Variants in ANKRD13A observed in about 807,000 individuals in gnomAD.
The protein encoded by ANKRD13A is ankyrin repeat domain-containing protein 13A.
ANKRD13A carries 48 observed loss-of-function variants against 81.3 expected under a neutral mutation model. The observed-to-expected ratio is 0.59, with a 90% confidence interval of 0.47 to 0.75. The LOEUF (loss-of-function observed/expected upper bound fraction) is 0.75, where lower values mean the gene tolerates loss of function less well. ANKRD13A is among the 30% of genes least tolerant of loss of function. ANKRD13A has a pLI of 0.00. For missense variants in ANKRD13A, 612 were observed against 734.0 expected, an observed-to-expected ratio of 0.83 and a Z score of 1.92; for synonymous variants, 230 against 270.1, an observed-to-expected ratio of 0.85 and a Z score of 1.45.
intron 1 of ANKRD13A, among the ~76,000 whole-genome samples, chr12:110,007,943 A>G (rs1356631885): frequency 6.6e-6 from 1 of 152,214 alleles, no homozygotes; most frequent in Non-Finnish European, 1.5e-5. Context: ...GATTTTATAC[A>G]CAAGATCATG....
chr12:109,999,701 T>C lies in ANKRD13A; in HGVS notation c.13T>C (p.Cys5Arg). Reference protein sequence around the residue: MSSACDAGDHYPLHL... With the variant: MSSARDAGDHYPLHL... ...CGGCCTCCTCGCCATGTCCTCGGCC[T>C]GCGACGCGGGCGACCACTACCCCCT... Residue 5 changes from cysteine to arginine, a missense_variant, in exon 1 of 15, where the codon TGC becomes CGC. Physicochemically the swap from Cys to Arg is radical, Grantham distance 180. Transcript: ENST00000261739. This position sits in a 1 kb window ranked among gnomAD's most constrained non-coding sequence, Gnocchi z 4.3. The C allele has an allele frequency of 6.5e-7, 1 of 1,536,408 alleles. No homozygotes were observed. Among genetic ancestry groups the C allele is most frequent in the Non-Finnish European group, 8.8e-7 (1 of 1,140,184 alleles).
chr12:110,000,063 C>T (rs1006564723), intron 1 of ANKRD13A, among the ~76,000 whole-genome samples: 30 of 152,208 alleles, frequency 2.0e-4, no homozygotes, highest in African/African-American at 7.2e-4. Context: ...TCAGACGCTA[C>T]GTGCCTTGTG....
chr12:110,021,425 C>CTTTTTTTTTTTTT (rs59262099), intron 6 of ANKRD13A: 4 of 129,928 alleles, frequency 3.1e-5, no homozygotes, highest in East Asian at 2.1e-4. Flanking sequence ...TTTTTTCTTT[C>CTTTTTTTTTTTTT]TTTTTTTTTT....
Position 110,036,926 on chromosome 12 carries a change from T to A in ANKRD13A, c.1578-433T>A, listed in dbSNP as rs1892090296. ...AGTCAGTTTTTTCTGATTGGTTTGA[T>A]CTTCTATGAATGATGTATGATCACA... is the stretch of plus-strand genomic sequence containing the variant. On this transcript the variant is annotated intron_variant, in intron 14 of 14. Coordinates refer to ENST00000261739, the MANE Select transcript of ANKRD13A (RefSeq NM_033121.2). This position sits in a 1 kb window ranked among gnomAD's most constrained non-coding sequence, Gnocchi z 4.6. 6.6e-6 allele frequency among the ~76,000 whole-genome samples: 1 copy of A among 152,212 alleles called. No homozygotes were observed. Among genetic ancestry groups the A allele is most frequent in the Non-Finnish European group, 1.5e-5 (1 of 68,032 alleles).
Position 110,018,245 on chromosome 12 carries a change from G to T in ANKRD13A, c.401-100G>T, listed in dbSNP as rs746346994. 84 of 1,288,554 alleles carry T rather than the reference G, an allele frequency of 6.5e-5. No homozygotes were observed. The highest frequency in any genetic ancestry group is 8.8e-5 in the Non-Finnish European group (82 of 933,202). The allele number at this position is 1,288,554 out of a possible 1,614,324, so 79.8% of individuals were successfully genotyped here. ...TCCGTTGTTTGATGGTCACCATCTT[G>T]CCACTCCCCTCCTTTTATTAAATCA... On this transcript the variant is annotated intron_variant, in intron 4 of 14. Coordinates refer to ENST00000261739, the MANE Select transcript of ANKRD13A (RefSeq NM_033121.2). This position sits in a 1 kb window ranked among gnomAD's most constrained non-coding sequence, Gnocchi z 4.4.
rs79820539 is a variant in ANKRD13A at position 110,001,468 on chromosome 12, C to A, written c.96+1684C>A. 6.9e-3 allele frequency among the ~76,000 whole-genome samples: 1,020 copies of A among 147,596 alleles called. 1 individual carries two copies. The highest frequency in any genetic ancestry group is 9.5e-3 in the Non-Finnish European group (636 of 67,298). ...TTTTTTTTTCTTTTTGAGATGGAGTCTCGCTCTGTCATTCAGACTTGAGTG... is the reference window on the plus strand; with the variant it reads ...TTTTTTTTTCTTTTTGAGATGGAGTATCGCTCTGTCATTCAGACTTGAGTG... On this transcript the variant is annotated intron_variant, in intron 1 of 14. Transcript: ENST00000261739.
Position 109,999,564 on chromosome 12 carries a change from C to A in ANKRD13A, c.-125C>A. 1.5e-6 allele frequency: 1 copy of A among 679,218 alleles called. No individual in the cohort carries two copies. The highest frequency in any genetic ancestry group is 2.1e-6 in the Non-Finnish European group (1 of 478,074). The allele number at this position is 679,218 out of a possible 1,614,324, so 42.1% of individuals were successfully genotyped here. On this transcript the variant is annotated 5_prime_UTR_variant, in exon 1 of 15. Coordinates refer to ENST00000261739, the MANE Select transcript of ANKRD13A (RefSeq NM_033121.2). The surrounding 1 kb of genome is among the most constrained non-coding windows in gnomAD (Gnocchi z 4.3). ...CCCGCACCCGACCGGCTCAGCCGGCCGGCAGCGTAACACGCCCTACGCTCG... is the reference window on the plus strand; with the variant it reads ...CCCGCACCCGACCGGCTCAGCCGGCAGGCAGCGTAACACGCCCTACGCTCG...
At chr12:110,029,446 G>T in intron 10 of ANKRD13A, 32 bp from the exon 11 acceptor site, 1 of 1,598,184 alleles carries the variant, frequency 6.3e-7, no homozygotes, top group South Asian at 1.1e-5. Flanking sequence ...TGGTGGAGAT[G>T]ACCTCAGTCT....
Position 110,018,917 on chromosome 12 carries a change from C to T in ANKRD13A, c.545-222C>T, listed in dbSNP as rs144203090. Among the ~76,000 whole-genome samples the T allele has an allele frequency of 2.1e-3, 321 of 152,190 alleles. No homozygotes were observed. Among genetic ancestry groups the T allele is most frequent in the Non-Finnish European group, 2.2e-3 (147 of 68,022 alleles). ...GAATGCAGATTATTAAGAAAAATTCCGCACCTTTGGGGAAGATGGCTCAGA... is the reference window on the plus strand; with the variant it reads ...GAATGCAGATTATTAAGAAAAATTCTGCACCTTTGGGGAAGATGGCTCAGA... On this transcript the variant is annotated intron_variant, in intron 5 of 14. Coordinates refer to ENST00000261739, the MANE Select transcript of ANKRD13A (RefSeq NM_033121.2). The surrounding 1 kb of genome is among the most constrained non-coding windows in gnomAD (Gnocchi z 4.4).
At position 110,006,746 on chromosome 12, in the gene ANKRD13A, G is replaced by A. The variant is rs1253796410; in HGVS notation, c.97-5259G>A. On this transcript the variant is annotated intron_variant, in intron 1 of 14. Transcript: ENST00000261739. ...CGAGTAGCTGGGATTACAGGCATGC[G>A]CCACCATGCCTGGCTAATTTTGTAT... Among the ~76,000 whole-genome samples the A allele has an allele frequency of 1.9e-4, 29 of 152,110 alleles. 1 individual carries two copies. The highest frequency in any genetic ancestry group is 1.6e-3 in the Admixed American group (25 of 15,272).
intron 1 of ANKRD13A, among the ~76,000 whole-genome samples, chr12:110,009,134 TGC>T (rs1378534843): frequency 2.6e-5 from 4 of 152,144 alleles, no homozygotes. Flanking sequence ...CAGGCTGGAG[TGC>T]AATGGCACAA....
At chr12:109,999,306 G>T (rs889175737), upstream of ANKRD13A, 1 of 153,474 alleles carries the variant, frequency 6.5e-6, no homozygotes, top group African/African-American at 2.4e-5. This position sits in a 1 kb window ranked among gnomAD's most constrained non-coding sequence, Gnocchi z 4.3. Flanking sequence ...TGAGTTTCTC[G>T]GTGTGAGCTG....
chr12:110,010,821 T>C (rs991045575), intron 1 of ANKRD13A, among the ~76,000 whole-genome samples: 4 of 152,252 alleles, frequency 2.6e-5, no homozygotes, highest in African/African-American at 9.6e-5. Context: ...ATGCTCCTGC[T>C]TCACTTTCCT....
chr12:110,001,237 C>T (rs758536908), intron 1 of ANKRD13A, among the ~76,000 whole-genome samples: 1 of 151,374 alleles, frequency 6.6e-6, no homozygotes, highest in African/African-American at 2.4e-5. Flanking sequence ...TTTTGAATGG[C>T]TCAAAATTGG....
In ANKRD13A at chr12:109,999,499, G is replaced by A. The variant is rs898607453; in HGVS notation, c.-190G>A. 2.0e-5 allele frequency: 6 copies of A among 303,010 alleles called. No homozygotes were observed. The highest frequency in any genetic ancestry group is 3.2e-4 in the South Asian group (2 of 6,320). 18.8% of individuals were successfully genotyped at this position (303,010 alleles called of 1,614,324 possible). A position where few individuals can be genotyped will look rare whatever the true frequency, so the allele number is the denominator to read the frequency against. ...GGCGCGGGGTGGGCGCGGCCGACCT[G>A]GTCCCTGAGCCGGCCGGCGACCCCG... On this transcript the variant is annotated 5_prime_UTR_variant, in exon 1 of 15. Transcript: ENST00000261739. This position sits in a 1 kb window ranked among gnomAD's most constrained non-coding sequence, Gnocchi z 4.3.
At chr12:110,005,149 TTTTG>T (rs1358616914) in intron 1 of ANKRD13A, among the ~76,000 whole-genome samples, 6 of 152,146 alleles carry the variant, frequency 3.9e-5, no homozygotes, top group African/African-American at 1.4e-4. Flanking sequence ...TTTCTTTCTT[TTTTG>T]TTTTTTTGTT....
At position 110,034,091 on chromosome 12, in the gene ANKRD13A, T is replaced by C. The variant is rs1193770695; in HGVS notation, c.1509+134T>C. The C allele has an allele frequency of 4.3e-5, 40 of 933,564 alleles. No homozygotes were observed. In the South Asian group the frequency reaches 9.6e-4, roughly 22 times the overall value. 57.8% of individuals were successfully genotyped at this position (933,564 alleles called of 1,614,324 possible). A position where few individuals can be genotyped will look rare whatever the true frequency, so the allele number is the denominator to read the frequency against. Reference sequence around the variant, plus strand: ...ACATTCATGGTATTTGCATAGGTTATACTTTGTGCATCTGGTCTTCTTACA... The same window carrying C: ...ACATTCATGGTATTTGCATAGGTTACACTTTGTGCATCTGGTCTTCTTACA... On this transcript the variant is annotated intron_variant, in intron 13 of 14. Coordinates refer to ENST00000261739, the MANE Select transcript of ANKRD13A (RefSeq NM_033121.2).
chr12:110,022,448 CAAA>C (rs546692474), intron 6 of ANKRD13A: 5 of 62,778 alleles, frequency 8.0e-5, no homozygotes, highest in Non-Finnish European at 6.6e-5. Context: ...GAGTCCATCT[CAAA>C]AAAAAAAAAA....
rs1890913756 is a variant in ANKRD13A at position 110,018,552 on chromosome 12, A to C, written c.544+64A>C. The C allele has an allele frequency of 6.4e-7, 1 of 1,570,030 alleles. No homozygotes were observed. The highest frequency in any genetic ancestry group is 1.8e-5 in the Admixed American group (1 of 56,480). On this transcript the variant is annotated intron_variant, in intron 5 of 14. Coordinates refer to ENST00000261739, the MANE Select transcript of ANKRD13A (RefSeq NM_033121.2). The surrounding 1 kb of genome is among the most constrained non-coding windows in gnomAD (Gnocchi z 4.4). ...AATTACAGGGTGATTTTTAACCAAGAAAATGCTTTCACATTCATGTGACTT... is the reference window on the plus strand; with the variant it reads ...AATTACAGGGTGATTTTTAACCAAGCAAATGCTTTCACATTCATGTGACTT...
Sources: allele counts gnomAD v4.1 joint callset (sites outside exome capture counted in the v4.1 genomes callset), GRCh38; gene constraint gnomAD v4.1.1; non-coding constraint Gnocchi (gnomAD v3.1); transcripts MANE v1.5; gene names NCBI Gene and HGNC (gene_info 2026-07-23, HGNC 2026-07-21).